Variants in VPS37A observed in about 807,000 individuals in gnomAD.
VPS37A encodes vacuolar protein sorting-associated protein 37A.
VPS37A carries 30 observed loss-of-function variants against 49.8 expected under a neutral mutation model. The ratio of observed to expected loss-of-function variants is 0.60; its 90% CI spans 0.45 to 0.82. VPS37A has a LOEUF of 0.82. Ranked by LOEUF, VPS37A falls within the 40% of genes least tolerant of loss-of-function variation. The pLI is 0.00. For synonymous variants in VPS37A, 195 were observed against 160.6 expected (o/e 1.21, Z -1.62); for missense variants, 593 against 464.4 (o/e 1.28, Z -2.55).
At chr8:17,287,178 C>T (rs1815682233) in intron 11 of VPS37A, among the ~76,000 whole-genome samples, 1 of 152,072 alleles carries the variant, frequency 6.6e-6, no homozygotes, top group South Asian at 2.1e-4. Flanking sequence ...GATTTGTTTG[C>T]AAGAATAGTT....
intron 1 of VPS37A, among the ~76,000 whole-genome samples, chr8:17,258,469 C>G (rs987389085): frequency 6.6e-6 from 1 of 152,106 alleles, no homozygotes; most frequent in African/African-American, 2.4e-5. Context: ...TTGCACTGTC[C>G]TTGCATTCCT....
At chr8:17,260,762 G>GT (rs1321693529) in intron 1 of VPS37A, among the ~76,000 whole-genome samples, 1 of 152,064 alleles carries the variant, frequency 6.6e-6, no homozygotes, top group African/African-American at 2.4e-5. Flanking sequence ...TTGTTTGTTC[G>GT]TTTTTTCCTT....
intron 11 of VPS37A, among the ~76,000 whole-genome samples, chr8:17,288,466 C>G (rs568743785): frequency 3.1e-4 from 47 of 152,210 alleles, no homozygotes; most frequent in Non-Finnish European, 1.5e-4. Context: ...TGAGAACATG[C>G]ATTAGTTGGT....
At chr8:17,298,612 C>T (rs1340864315), downstream of VPS37A, 1 of 152,326 alleles carries the variant, frequency 6.6e-6, no homozygotes, top group African/African-American at 2.4e-5. Flanking sequence ...TTCACATATT[C>T]AAAATATTGA....
At chr8:17,316,704 G>C in the VPS37A span, among the ~76,000 whole-genome samples, 1 of 152,164 alleles carries the variant, frequency 6.6e-6, no homozygotes, top group Non-Finnish European at 1.5e-5. Context: ...AACCAATCCA[G>C]TGTAACGACT....
At chr8:17,331,081 T>C in the VPS37A span, 451 of 1,524,034 alleles carry the variant, frequency 3.0e-4, 5 homozygotes, top group East Asian at 9.2e-3. Context: ...AAATCAAGAC[T>C]ATCTTATTCC....
At chr8:17,310,843 G>A in the VPS37A span, among the ~76,000 whole-genome samples, 1 of 152,108 alleles carries the variant, frequency 6.6e-6, no homozygotes, top group African/African-American at 2.4e-5. Context: ...CCAAATCATG[G>A]TTAAGAGGTG....
At chr8:17,286,110 T>C (rs1815561929) in intron 10 of VPS37A, among the ~76,000 whole-genome samples, 1 of 152,182 alleles carries the variant, frequency 6.6e-6, no homozygotes, top group South Asian at 2.1e-4. Flanking sequence ...GGAAAGAAGA[T>C]GACAGGCATG....
At chr8:17,293,671 G>A (rs1365879356) in intron 11 of VPS37A, among the ~76,000 whole-genome samples, 1 of 152,182 alleles carries the variant, frequency 6.6e-6, no homozygotes, top group African/African-American at 2.4e-5. Context: ...TGATGTTGAT[G>A]CTATTGCTTT....
At chr8:17,331,124 A>G in the VPS37A span, 2 of 1,597,328 alleles carry the variant, frequency 1.3e-6, no homozygotes, top group Non-Finnish European at 1.7e-6. Context: ...CTGCATTTTA[A>G]TGCTGTGCAT....
downstream of VPS37A, chr8:17,299,901 C>T (rs2150453691): frequency 1.9e-6 from 3 of 1,614,158 alleles, no homozygotes; most frequent in Non-Finnish European, 2.5e-6. Context: ...AATCCCGGTC[C>T]TTGCCACTAT....
downstream of VPS37A, among the ~76,000 whole-genome samples, chr8:17,301,117 C>T (rs117648755): frequency 4.9e-3 from 742 of 152,318 alleles, 7 homozygotes; most frequent in Middle Eastern, 0.014. Flanking sequence ...ATTATGTATT[C>T]ATTCAAAACC....
At chr8:17,298,555 C>T (rs552856333), downstream of VPS37A, 58 of 152,550 alleles carry the variant, frequency 3.8e-4, no homozygotes, top group African/African-American at 1.4e-3. Flanking sequence ...TAAAAAAAAT[C>T]AGATATTCAA....
At chr8:17,316,648 G>GA in the VPS37A span, among the ~76,000 whole-genome samples, 1 of 151,482 alleles carries the variant, frequency 6.6e-6, no homozygotes, top group East Asian at 1.9e-4. Flanking sequence ...ACAAATATTT[G>GA]AAAAAAATAA....
chr8:17,263,541 G>C (rs1316009974), intron 1 of VPS37A, among the ~76,000 whole-genome samples: 3 of 151,980 alleles, frequency 2.0e-5, no homozygotes, highest in African/African-American at 7.3e-5. Context: ...AAAAATTTTA[G>C]GAACTGTCAT....
downstream of VPS37A, chr8:17,301,768 A>G: frequency 4.4e-6 from 1 of 226,592 alleles, no homozygotes; most frequent in Non-Finnish European, 8.5e-6. Flanking sequence ...ATAGATTAAT[A>G]TCATAGTTAA....
chr8:17,270,196 G>A (rs886825238), intron 4 of VPS37A, among the ~76,000 whole-genome samples: 2 of 152,116 alleles, frequency 1.3e-5, no homozygotes, highest in African/African-American at 4.8e-5. Flanking sequence ...CAACATTGGG[G>A]ATTGCAATTC....
chr8:17,258,942 T>C (rs1400819218), intron 1 of VPS37A, among the ~76,000 whole-genome samples: 3 of 152,114 alleles, frequency 2.0e-5, no homozygotes, highest in Non-Finnish European at 4.4e-5. Flanking sequence ...TTCTGTGGTC[T>C]CAGTTGTCAC....
rs1312939324 is a variant in VPS37A at position 17,255,556 on chromosome 8, GTTTA to G, written c.125+8190_125+8193del. ...TATATAAACTAAGTGATAAATTATT[GTTTA>G]TTCTGTAAAAGGAAGCTTCAGAAAT... On this transcript the variant is annotated intron_variant, in intron 1 of 11. Transcript: ENST00000324849. Among the ~76,000 whole-genome samples the G allele has an allele frequency of 4.6e-5, 7 of 152,112 alleles. No individual in the cohort carries two copies. The East Asian group carries it at 1.4e-3, about 29-fold the overall frequency.
Sources: allele counts gnomAD v4.1 joint callset (sites outside exome capture counted in the v4.1 genomes callset), GRCh38; gene constraint gnomAD v4.1.1; transcripts MANE v1.5; gene names NCBI Gene and HGNC (gene_info 2026-07-23, HGNC 2026-07-21).